FKBP6: variants seen among roughly 807,000 people sequenced by gnomAD.
FKBP6 encodes FKBP prolyl isomerase family member 6 (inactive).
Under a neutral mutation model 41.7 loss-of-function variants are expected in FKBP6, and 29 were observed. The ratio of observed to expected loss-of-function variants is 0.70; its 90% CI spans 0.52 to 0.95. The LOEUF (loss-of-function observed/expected upper bound fraction) is 0.95. Among genes scored for constraint, FKBP6 ranks in the 40% least tolerant of loss-of-function variants. The probability of loss-of-function intolerance (pLI) is 0.00; values close to 1 mark genes in which losing one functional copy is unlikely to be tolerated. For synonymous variants in FKBP6, 130 were observed against 165.1 expected (o/e 0.79, Z 1.63); for missense variants, 338 against 408.7 (o/e 0.83, Z 1.49).
intron 8 of FKBP6, among the ~76,000 whole-genome samples, chr7:73,346,712 G>A (rs1805342671): frequency 6.6e-6 from 1 of 152,162 alleles, no homozygotes; most frequent in Non-Finnish European, 1.5e-5. Flanking sequence ...CAGCCTGGAC[G>A]TGAACCTACT....
chr7:73,355,562 C>T (rs1319684860), intron 8 of FKBP6, among the ~76,000 whole-genome samples: 1 of 151,762 alleles, frequency 6.6e-6, no homozygotes, highest in African/African-American at 2.4e-5. Flanking sequence ...TTTCATGGGA[C>T]ACACCCTAGA....
chr7:73,346,640 G>A (rs1554550318), intron 8 of FKBP6, among the ~76,000 whole-genome samples: 2 of 152,220 alleles, frequency 1.3e-5, no homozygotes, highest in African/African-American at 2.4e-5. Context: ...AAGGGGCAGC[G>A]TGGGGACACA....
At chr7:73,329,038 C>T (rs1258837846) in intron 2 of FKBP6, among the ~76,000 whole-genome samples, 2 of 152,110 alleles carry the variant, frequency 1.3e-5, no homozygotes, top group Non-Finnish European at 2.9e-5. Flanking sequence ...CTCCTGGACC[C>T]AAGTGAGCCT....
chr7:73,342,856 T>G lies in FKBP6; in HGVS notation c.943T>G (p.Phe315Val). The G allele has an allele frequency of 1.2e-6, 2 of 1,614,158 alleles. No individual in the cohort carries two copies. Among genetic ancestry groups the G allele is most frequent in the Non-Finnish European group, 1.7e-6 (2 of 1,179,946 alleles). Residue 315 changes from phenylalanine (F) to valine (V), a missense_variant, in exon 8 of 9, where the codon TTC becomes GTC. Around this residue, in one of 2 missense-constraint regions of FKBP6, gnomAD observed 239 missense variants for 250.1 expected, o/e 0.96. Coordinates refer to ENST00000252037, the MANE Select transcript of FKBP6 (RefSeq NM_003602.5). ...DKEKEMWHRM[F>V]APCGDGSTAG... ...AGAGAAAGAAATGTGGCACCGCATG[T>G]TCGCGCCCTGTGGCGATGGTTCTAC...
At chr7:73,338,470 C>T (rs1164526890) in intron 5 of FKBP6, among the ~76,000 whole-genome samples, 3 of 152,164 alleles carry the variant, frequency 2.0e-5, no homozygotes, top group African/African-American at 7.2e-5. Flanking sequence ...CGTGTGAACA[C>T]GTTTTCAGTT....
chr7:73,336,753 T>C (rs1207774668), intron 5 of FKBP6: 4 of 456,376 alleles, frequency 8.8e-6, no homozygotes, highest in Admixed American at 2.4e-5. Flanking sequence ...CTCTGTTTCA[T>C]GTTAGGCACC....
chr7:73,357,751 G>A (rs1230524436), intron 8 of FKBP6, among the ~76,000 whole-genome samples: 4 of 151,920 alleles, frequency 2.6e-5, no homozygotes, highest in African/African-American at 7.3e-5. Context: ...TTGAGAGGCC[G>A]AGGCAGGCAG....
chr7:73,340,337 G>A (rs1328290898), intron 5 of FKBP6, among the ~76,000 whole-genome samples: 1 of 151,736 alleles, frequency 6.6e-6, no homozygotes, highest in Non-Finnish European at 1.5e-5. Context: ...GACCATCCTG[G>A]CCAAAATGGT....
intron 8 of FKBP6, among the ~76,000 whole-genome samples, chr7:73,348,299 C>A (rs1046982525): frequency 6.6e-6 from 1 of 152,048 alleles, no homozygotes; most frequent in African/African-American, 2.4e-5. Flanking sequence ...CCACACCTTT[C>A]CCCCCCTTCT....
chr7:73,350,846 A>T (rs1027349855), intron 8 of FKBP6, among the ~76,000 whole-genome samples: 1 of 151,992 alleles, frequency 6.6e-6, no homozygotes, highest in Admixed American at 6.6e-5. Flanking sequence ...CTGGTTCCAA[A>T]ATAGCTTTCC....
At chr7:73,355,644 T>TA (rs60526808) in intron 8 of FKBP6, among the ~76,000 whole-genome samples, 18,851 of 143,400 alleles carry the variant, frequency 0.13, 1,248 homozygotes, top group Middle Eastern at 0.19. Context: ...TCTCCAAAGG[T>TA]AAAAAAAAAA....
intron 8 of FKBP6, among the ~76,000 whole-genome samples, chr7:73,349,102 C>A (rs1805411909): frequency 6.6e-6 from 1 of 151,364 alleles, no homozygotes; most frequent in African/African-American, 2.4e-5. Flanking sequence ...GAGACCCTGT[C>A]CCAAAAAAAA....
intron 5 of FKBP6, among the ~76,000 whole-genome samples, chr7:73,332,871 C>T (rs1254849570): frequency 4.6e-5 from 7 of 152,192 alleles, no homozygotes; most frequent in African/African-American, 1.4e-4. Context: ...GCTCATTTGG[C>T]GATTCTAGCC....
At chr7:73,332,572 A>G (rs2115841738) in intron 5 of FKBP6, among the ~76,000 whole-genome samples, 1 of 150,176 alleles carries the variant, frequency 6.7e-6, no homozygotes, top group Non-Finnish European at 1.5e-5. Context: ...TGAAGAGGGG[A>G]CTCTCGAGGG....
At chr7:73,349,546 C>CAAA (rs1175280907) in intron 8 of FKBP6, among the ~76,000 whole-genome samples, 24 of 48,684 alleles carry the variant, frequency 4.9e-4, no homozygotes, top group Non-Finnish European at 4.4e-4. Flanking sequence ...TACTAAAATA[C>CAAA]AAAAAAAAAA....
intron 5 of FKBP6, among the ~76,000 whole-genome samples, chr7:73,335,060 C>G (rs1333508746): frequency 4.0e-5 from 6 of 150,874 alleles, no homozygotes; most frequent in African/African-American, 1.5e-4. Context: ...TTTCCAGAAC[C>G]TGTTCTCCAG....
At chr7:73,346,143 C>A (rs1050589581) in intron 8 of FKBP6, among the ~76,000 whole-genome samples, 1 of 152,168 alleles carries the variant, frequency 6.6e-6, no homozygotes, top group African/African-American at 2.4e-5. Flanking sequence ...CAAGAGCAGA[C>A]AGATTTTGTT....
In FKBP6 at chr7:73,336,785, A is replaced by T. The variant is rs1805018528; in HGVS notation, c.589-3853A>T. The T allele has an allele frequency of 6.6e-6, 3 of 456,534 alleles. No homozygotes were observed. In the Admixed American group the frequency reaches 7.1e-5, roughly 11 times the overall value. The allele number at this position is 456,534 out of a possible 1,614,324, so 28.3% of individuals were successfully genotyped here. On this transcript the variant is annotated intron_variant, in intron 5 of 8. Transcript: ENST00000252037. ...CACCGTGCTGGGTGTGCTGCGGCTG[A>T]ACCTGTTAACAGGGTCCAGGAATGT...
chr7:73,335,726 C>T (rs913945386), intron 5 of FKBP6, among the ~76,000 whole-genome samples: 3 of 152,106 alleles, frequency 2.0e-5, no homozygotes, highest in Admixed American at 1.3e-4. Context: ...AGGGGCAGAC[C>T]GGTCCCTTTT....
Sources: gnomAD v4.1 joint callset for allele counts (sites outside exome capture counted in the v4.1 genomes callset) on GRCh38, gnomAD v4.1.1 for gene constraint, gnomAD v4.1.1 regional missense constraint, MANE v1.5 for transcripts, NCBI Gene and HGNC (gene_info 2026-07-23, HGNC 2026-07-21) for gene names.